ADAMTS17: variants seen among roughly 807,000 people sequenced by gnomAD.
ADAMTS17 encodes the protein ADAM metallopeptidase with thrombospondin type 1 motif 17.
In ADAMTS17, 113 loss-of-function variants were observed where a neutral mutation model predicts 141.5. The ratio of observed to expected loss-of-function variants is 0.80; its 90% CI spans 0.69 to 0.93. The LOEUF is 0.93. Among genes scored for constraint, ADAMTS17 ranks in the 40% least tolerant of loss-of-function variants. ADAMTS17 has a pLI of 0.00. For missense variants in ADAMTS17, 1,659 were observed against 1,517.9 expected, an observed-to-expected ratio of 1.09 and a Z score of -1.54; for synonymous variants, 768 against 630.6, an observed-to-expected ratio of 1.22 and a Z score of -3.27.
intron 18 of ADAMTS17, among the ~76,000 whole-genome samples, chr15:100,023,397 G>T (rs955068401): frequency 7.9e-5 from 12 of 151,620 alleles, no homozygotes; most frequent in Non-Finnish European, 1.2e-4. Context: ...TAGTAGAGAC[G>T]GCGTTTCACG....
At chr15:100,300,982 C>T (rs2045012436) in intron 3 of ADAMTS17, among the ~76,000 whole-genome samples, 1 of 152,224 alleles carries the variant, frequency 6.6e-6, no homozygotes. Context: ...GCCTCTTCCA[C>T]CACACAGGAA....
chr15:100,058,654 C>T (rs567182201), intron 15 of ADAMTS17, among the ~76,000 whole-genome samples: 9 of 152,130 alleles, frequency 5.9e-5, no homozygotes, highest in East Asian at 3.9e-4. Flanking sequence ...ATCGGAGGCC[C>T]GACACTGGGC....
intron 3 of ADAMTS17, among the ~76,000 whole-genome samples, chr15:100,321,206 A>G (rs955403196): frequency 5.3e-5 from 8 of 152,230 alleles, no homozygotes; most frequent in Admixed American, 2.0e-4. Flanking sequence ...TTAATAGATT[A>G]TCAAATTTCC....
At chr15:100,108,745 C>G (rs2036559301) in intron 14 of ADAMTS17, among the ~76,000 whole-genome samples, 1 of 152,208 alleles carries the variant, frequency 6.6e-6, no homozygotes, top group Non-Finnish European at 1.5e-5. Context: ...TTTTCAAAGT[C>G]TTAGAATACG....
intron 20 of ADAMTS17, among the ~76,000 whole-genome samples, chr15:99,989,448 T>C (rs1250737215): frequency 6.6e-6 from 1 of 152,214 alleles, no homozygotes; most frequent in Non-Finnish European, 1.5e-5. Context: ...GACAGCTTTA[T>C]TCCAGTTCAC....
At chr15:100,165,169 G>A (rs2039899496) in intron 8 of ADAMTS17, among the ~76,000 whole-genome samples, 1 of 152,144 alleles carries the variant, frequency 6.6e-6, no homozygotes, top group African/African-American at 2.4e-5. Context: ...TAGATTCCAT[G>A]GGCTCACCAG....
chr15:100,207,549 T>C (rs1473458312), intron 7 of ADAMTS17, among the ~76,000 whole-genome samples: 8 of 152,196 alleles, frequency 5.3e-5, no homozygotes, highest in African/African-American at 1.7e-4. Flanking sequence ...GGGCTTGGCC[T>C]TGATGTTCAC....
chr15:100,241,407 G>A lies in ADAMTS17; in HGVS notation c.1075+12729C>T, dbSNP rs138732214. 1.7e-3 allele frequency among the ~76,000 whole-genome samples: 266 copies of A among 152,348 alleles called. 1 individual carries two copies. Among genetic ancestry groups the A allele is most frequent in the Non-Finnish European group, 2.7e-3 (186 of 68,034 alleles). ...GTCTTCAACGCTTTGAGACCTCGAA[G>A]TATTTCAAGGGCAGGATCTTGTAGA... On this transcript the variant is annotated intron_variant, in intron 7 of 21. Coordinates refer to ENST00000268070, the MANE Select transcript of ADAMTS17 (RefSeq NM_139057.4).
At chr15:100,063,778 C>A (rs1235068587) in intron 15 of ADAMTS17, 8 of 1,287,858 alleles carry the variant, frequency 6.2e-6, no homozygotes, top group Non-Finnish European at 8.1e-6. Context: ...ACAAACGACA[C>A]AGAAGTAAAC....
intron 7 of ADAMTS17, among the ~76,000 whole-genome samples, chr15:100,228,353 C>T (rs1195818821): frequency 6.6e-6 from 1 of 152,194 alleles, no homozygotes; most frequent in African/African-American, 2.4e-5. Context: ...ATGCCTGTCA[C>T]TCTGATTAGA....
intron 14 of ADAMTS17, among the ~76,000 whole-genome samples, chr15:100,103,801 C>T (rs1388071088): frequency 6.6e-6 from 1 of 152,130 alleles, no homozygotes; most frequent in African/African-American, 2.4e-5. Context: ...GTCTCGAACT[C>T]CTGACCTTAG....
At chr15:100,328,048 G>A (rs1347637294) in intron 3 of ADAMTS17, among the ~76,000 whole-genome samples, 1 of 152,118 alleles carries the variant, frequency 6.6e-6, no homozygotes, top group South Asian at 2.1e-4. Context: ...AGCCGGCAAG[G>A]CTACTCTCAG....
At chr15:100,204,560 T>C (rs1204067056) in intron 7 of ADAMTS17, among the ~76,000 whole-genome samples, 3 of 152,188 alleles carry the variant, frequency 2.0e-5, no homozygotes, top group Non-Finnish European at 4.4e-5. Context: ...GGCTAGGATG[T>C]GACAAAGGAA....
chr15:100,261,610 A>G lies in ADAMTS17; in HGVS notation c.900T>C (p.Gly300=), dbSNP rs751368402. ...GACAGAAGCTCTCCAGGGACCGCTC[A>G]CCATGGTGCCCAATGGACAACTTAG... is the stretch of plus-strand genomic sequence containing the variant. ...RPAKLSIGHH[G]ERSLESFCHW... The change falls in exon 6 of 22, where the codon GGT becomes GGC. Residue 300 remains glycine (G), a synonymous_variant. Coordinates refer to ENST00000268070, the MANE Select transcript of ADAMTS17 (RefSeq NM_139057.4). 9.3e-6 allele frequency: 15 copies of G among 1,613,970 alleles called. No homozygotes were observed. The highest frequency in any genetic ancestry group is 1.0e-5 in the Non-Finnish European group (12 of 1,179,954).
At chr15:100,092,595 C>A (rs558537457) in intron 15 of ADAMTS17, among the ~76,000 whole-genome samples, 8 of 151,762 alleles carry the variant, frequency 5.3e-5, no homozygotes, top group Admixed American at 2.0e-4. Context: ...TAAGCCCCAA[C>A]AGTGAATTTC....
At chr15:100,013,481 T>G (rs1438751862) in intron 18 of ADAMTS17, among the ~76,000 whole-genome samples, 3 of 152,224 alleles carry the variant, frequency 2.0e-5, no homozygotes, top group Non-Finnish European at 2.9e-5. Flanking sequence ...GACAGAAAGC[T>G]TTCAACTTTT....
intron 8 of ADAMTS17, among the ~76,000 whole-genome samples, chr15:100,177,520 T>C (rs2040378986): frequency 6.6e-6 from 1 of 152,242 alleles, no homozygotes. Flanking sequence ...CCTTACACGA[T>C]CTCAATTCTT....
At chr15:100,096,753 G>T (rs1445641940) in intron 14 of ADAMTS17, among the ~76,000 whole-genome samples, 1 of 152,210 alleles carries the variant, frequency 6.6e-6, no homozygotes, top group Non-Finnish European at 1.5e-5. Flanking sequence ...GTGCCCATGG[G>T]GGTCACGCTG....
At chr15:100,289,605 C>T (rs1402107840) in intron 3 of ADAMTS17, among the ~76,000 whole-genome samples, 2 of 151,834 alleles carry the variant, frequency 1.3e-5, no homozygotes, top group East Asian at 3.9e-4. Context: ...AACACAGATG[C>T]AAAAATCTTC....
Sources: allele counts gnomAD v4.1 joint callset (sites outside exome capture counted in the v4.1 genomes callset), GRCh38; gene constraint gnomAD v4.1.1; transcripts MANE v1.5; gene names NCBI Gene and HGNC (gene_info 2026-07-23, HGNC 2026-07-21).